Variants in LRRC49 observed in about 807,000 individuals in gnomAD.
The protein encoded by LRRC49 is leucine rich repeat containing 49.
LRRC49 carries 50 observed loss-of-function variants against 83.3 expected under a neutral mutation model. The ratio of observed to expected loss-of-function variants is 0.60; its 90% confidence interval spans 0.48 to 0.76. The LOEUF (loss-of-function observed/expected upper bound fraction) is 0.76, where lower values mean the gene tolerates loss of function less well. Among genes scored for constraint, LRRC49 ranks in the 30% least tolerant of loss-of-function variants. LRRC49 has a pLI of 0.00. For synonymous variants in LRRC49, 286 were observed against 283.3 expected, an observed-to-expected ratio of 1.01 and a Z score of -0.10; for missense variants, 704 against 809.1, an observed-to-expected ratio of 0.87 and a Z score of 1.58.
chr15:71,030,295 G>T (rs2039309378), intron 14 of LRRC49, among the ~76,000 whole-genome samples: 1 of 152,196 alleles, frequency 6.6e-6, no homozygotes, highest in Admixed American at 6.5e-5. Flanking sequence ...GGCTGGATAT[G>T]AAATTCTGGG....
upstream of LRRC49, chr15:70,891,747 C>A: frequency 8.6e-7 from 1 of 1,158,148 alleles, no homozygotes; most frequent in Non-Finnish European, 1.2e-6. Context: ...AAAACAGGAA[C>A]TTTCGAGATG....
intron 15 of LRRC49, chr15:71,048,845 CAGGTTTCTAT>C (rs1313676023): frequency 2.2e-6 from 1 of 455,974 alleles, no homozygotes; most frequent in Non-Finnish European, 4.4e-6. Flanking sequence ...TCCTGGGTCC[CAGGTTTCTAT>C]ATGTTTACTC....
chr15:70,892,301 G>A (rs1220817757), upstream of LRRC49: 2 of 1,550,816 alleles, frequency 1.3e-6, no homozygotes, highest in African/African-American at 1.4e-5. Context: ...GCGGGAGCCG[G>A]GTTCCCTGGA....
At position 71,053,427 on chromosome 15, in the gene LRRC49, C is replaced by G. The variant is rs1596190123; in HGVS notation, c.*3815C>G. 6.6e-6 allele frequency: 1 copy of G among 152,150 alleles called. No homozygotes were observed. Among genetic ancestry groups the G allele is most frequent in the Non-Finnish European group, 1.5e-5 (1 of 68,046 alleles). The allele number at this position is 152,150 out of a possible 1,614,324, so 9.4% of individuals were successfully genotyped here. Reference sequence around the variant, plus strand: ...CAGGAATTCCGTCTTATGGAATACACAATGCATCTCAACATGTACAATATA... The same window carrying G: ...CAGGAATTCCGTCTTATGGAATACAGAATGCATCTCAACATGTACAATATA... On this transcript the variant is annotated 3_prime_UTR_variant, in exon 16 of 16. Transcript: ENST00000260382.
At chr15:71,045,345 G>A (rs936184716) in intron 15 of LRRC49, among the ~76,000 whole-genome samples, 3 of 151,982 alleles carry the variant, frequency 2.0e-5, no homozygotes, top group Admixed American at 2.0e-4. Flanking sequence ...TATTAGCATC[G>A]TACCATACAG....
chr15:71,029,176 T>C (rs1175248776), intron 14 of LRRC49, among the ~76,000 whole-genome samples: 1 of 152,226 alleles, frequency 6.6e-6, no homozygotes, highest in East Asian at 1.9e-4. Flanking sequence ...AAAGAACTTC[T>C]TTATTGCTGC....
At chr15:70,914,522 G>A (rs1596014137) in intron 6 of LRRC49, among the ~76,000 whole-genome samples, 8 of 152,270 alleles carry the variant, frequency 5.3e-5, no homozygotes, top group South Asian at 4.2e-4. Flanking sequence ...TAATCTTGGC[G>A]AGAAGTGATG....
intron 7 of LRRC49, among the ~76,000 whole-genome samples, chr15:70,922,794 C>T (rs1052034244): frequency 1.3e-5 from 2 of 151,824 alleles, no homozygotes; most frequent in Non-Finnish European, 2.9e-5. Context: ...AATACCTATA[C>T]CTACTAGGTA....
intron 8 of LRRC49, among the ~76,000 whole-genome samples, chr15:70,949,708 C>T (rs995972537): frequency 2.0e-5 from 3 of 152,192 alleles, no homozygotes; most frequent in Non-Finnish European, 2.9e-5. Context: ...AATACCTACA[C>T]ATCACTTCAT....
At chr15:70,919,328 T>G in intron 7 of LRRC49, 135 bp downstream of exon 7, 1 of 778,142 alleles carries the variant, frequency 1.3e-6, no homozygotes, top group South Asian at 2.2e-5. Context: ...ATTGTGGATG[T>G]AATTATTAAG....
chr15:70,904,829 G>T, intron 5 of LRRC49, 74 bp downstream of exon 5: 1 of 1,105,186 alleles, frequency 9.0e-7, no homozygotes, highest in East Asian at 2.4e-5. Flanking sequence ...ACTTAGAATT[G>T]AATAATACTT....
intron 14 of LRRC49, among the ~76,000 whole-genome samples, chr15:71,022,045 G>T (rs1298617746): frequency 6.6e-6 from 1 of 152,098 alleles, no homozygotes; most frequent in African/African-American, 2.4e-5. Context: ...CCACCTCAAT[G>T]ATAAAATGCA....
At chr15:71,027,497 G>T (rs1476405103) in intron 14 of LRRC49, among the ~76,000 whole-genome samples, 4 of 152,192 alleles carry the variant, frequency 2.6e-5, no homozygotes, top group Admixed American at 2.6e-4. Context: ...CTGGTAGCTT[G>T]ATGGGAATAG....
At position 70,986,675 on chromosome 15, in the gene LRRC49, A is replaced by C. The variant is rs1033959633; in HGVS notation, c.1169+2418A>C. ...GGCCAGAACTTCCAACACTGTGTTG[A>C]ATAGGAGTGGTGAGAGAGGGCATCC... On this transcript the variant is annotated intron_variant, in intron 11 of 15. Coordinates refer to ENST00000260382, the MANE Select transcript of LRRC49 (RefSeq NM_017691.5). 2.0e-5 allele frequency among the ~76,000 whole-genome samples: 3 copies of C among 152,180 alleles called. No homozygotes were observed. In the East Asian group the frequency reaches 5.8e-4, roughly 29 times the overall value.
intron 15 of LRRC49, among the ~76,000 whole-genome samples, chr15:71,046,900 T>C (rs565165991): frequency 4.6e-5 from 7 of 152,324 alleles, no homozygotes; most frequent in African/African-American, 1.7e-4. Context: ...TTCAATCTTC[T>C]GCATATGGCT....
intron 1 of LRRC49, among the ~76,000 whole-genome samples, chr15:70,864,677 A>G (rs2032872489): frequency 6.6e-6 from 1 of 152,180 alleles, no homozygotes; most frequent in Admixed American, 6.5e-5. Flanking sequence ...TTTAGCTAAG[A>G]TATCACTCAG....
At chr15:70,882,433 A>C in intron 2 of LRRC49, 1 of 1,577,106 alleles carries the variant, frequency 6.3e-7, no homozygotes. Context: ...ATAGCACATC[A>C]GAGCATTTGA....
chr15:70,997,066 T>C (rs1029176346), intron 11 of LRRC49, among the ~76,000 whole-genome samples: 1 of 152,186 alleles, frequency 6.6e-6, no homozygotes, highest in Non-Finnish European at 1.5e-5. Context: ...CTAGTTGGTT[T>C]TATAGTGTAC....
At chr15:70,905,534 CTA>C (rs1334795873) in intron 5 of LRRC49, among the ~76,000 whole-genome samples, 2 of 152,146 alleles carry the variant, frequency 1.3e-5, no homozygotes, top group Non-Finnish European at 2.9e-5. Flanking sequence ...GGCCGACACT[CTA>C]TAACGAAGAC....
Sources: gnomAD v4.1 joint callset for allele counts (sites outside exome capture counted in the v4.1 genomes callset) on GRCh38, gnomAD v4.1.1 for gene constraint, MANE v1.5 for transcripts, NCBI Gene and HGNC (gene_info 2026-07-23, HGNC 2026-07-21) for gene names.